The following ASTN1 variants were observed in gnomAD, a reference collection of about 807,000 sequenced individuals.
The protein encoded by ASTN1 is astrotactin 1.
ASTN1 carries 41 observed loss-of-function variants against 140.7 expected under a neutral mutation model. The ratio of observed to expected loss-of-function variants is 0.29; its 90% confidence interval spans 0.23 to 0.38. The LOEUF is 0.38. Ranked by LOEUF, ASTN1 falls within the 10% of genes least tolerant of loss-of-function variation. The pLI is 1.00. For missense variants in ASTN1, 1,479 were observed against 1,678.8 expected (o/e 0.88, Z 2.08); for synonymous variants, 640 against 652.2 (o/e 0.98, Z 0.29).
chr1:177,104,662 T>C lies in ASTN1; in HGVS notation c.284-43397A>G, dbSNP rs986261880. Among the ~76,000 whole-genome samples, 7 of 152,238 alleles carry C rather than the reference T, an allele frequency of 4.6e-5. No individual in the cohort carries two copies. In the South Asian group the frequency reaches 1.4e-3, roughly 32 times the overall value. On this transcript the variant is annotated intron_variant, in intron 1 of 22. Coordinates refer to ENST00000361833, the MANE Select transcript of ASTN1 (RefSeq NM_004319.3). ...CCTGCTCAAAGACTGCCACAGATGC[T>C]TAGACCCAAGCTTTTCCTTCCCAGC...
intron 1 of ASTN1, among the ~76,000 whole-genome samples, chr1:177,130,344 C>T (rs934522538): frequency 2.6e-5 from 4 of 152,048 alleles, no homozygotes; most frequent in African/African-American, 7.2e-5. Context: ...TGTACCCTCC[C>T]GCCGCAGACC....
At chr1:176,857,731 G>T (rs1667855581), downstream of ASTN1, 5 of 427,352 alleles carry the variant, frequency 1.2e-5, no homozygotes, top group Admixed American at 4.3e-5. Flanking sequence ...ACAGTGGAAG[G>T]TTGGAAAATG....
chr1:176,946,226 C>T lies in ASTN1; in HGVS notation c.2055-106G>A. The T allele has an allele frequency of 7.3e-6, 8 of 1,091,872 alleles. 1 individual carries two copies. The South Asian group carries it at 1.8e-4, about 25-fold the overall frequency. The allele number at this position is 1,091,872 out of a possible 1,614,324, so 67.6% of individuals were successfully genotyped here. On this transcript the variant is annotated intron_variant, in intron 12 of 22. Transcript: ENST00000361833. ...AAATGCCTTTGACAGCATGTTGGAT[C>T]ACCAAAGATTAGATTTCCAAGTTAT...
rs902838844 is a variant in ASTN1 at position 176,863,873 on chromosome 1, C to T, written c.*411G>A. The T allele has an allele frequency of 4.0e-6, 4 of 1,004,648 alleles. No individual in the cohort carries two copies. The highest frequency in any genetic ancestry group is 3.5e-5 in the African/African-American group (2 of 57,606). The allele number at this position is 1,004,648 out of a possible 1,614,324, so 62.2% of individuals were successfully genotyped here. Reference sequence around the variant, plus strand: ...TGCGGCAGGCCTAACAACTTTCTGGCCTCACCTCTGCTCCCAGTTGCAATG... The same window carrying T: ...TGCGGCAGGCCTAACAACTTTCTGGTCTCACCTCTGCTCCCAGTTGCAATG... On this transcript the variant is annotated 3_prime_UTR_variant, in exon 23 of 23. Coordinates refer to ENST00000361833, the MANE Select transcript of ASTN1 (RefSeq NM_004319.3).
At chr1:176,938,347 C>T (rs1383447283) in intron 14 of ASTN1, among the ~76,000 whole-genome samples, 1 of 152,162 alleles carries the variant, frequency 6.6e-6, no homozygotes, top group Non-Finnish European at 1.5e-5. Context: ...AGCTCAACAG[C>T]TTTGCTTTTA....
At chr1:176,879,503 TATA>T (rs1254192759) in intron 20 of ASTN1, among the ~76,000 whole-genome samples, 1 of 152,190 alleles carries the variant, frequency 6.6e-6, no homozygotes, top group Non-Finnish European at 1.5e-5. Context: ...GTCCTTGGAC[TATA>T]ATGAGAAACA....
chr1:176,858,534 C>T (rs559693231), downstream of ASTN1, among the ~76,000 whole-genome samples: 2 of 152,238 alleles, frequency 1.3e-5, no homozygotes, highest in East Asian at 3.9e-4. Context: ...ACAAAAAGAA[C>T]CATTAAAGCA....
In ASTN1 at chr1:177,030,875, G is replaced by A. The variant is rs1228668341; in HGVS notation, c.943C>T (p.His315Tyr). 1.9e-6 allele frequency: 3 copies of A among 1,614,172 alleles called. No individual in the cohort carries two copies. In the Admixed American group the frequency reaches 5.0e-5, roughly 27 times the overall value. The stretch of plus-strand genomic sequence containing the variant: ...TGAGAGAGAAGGGTGGCTTGCTGGT[G>A]GTTGGAGTCCACAGGGCTAGTGGCT... Reference protein sequence around the residue: ...IIATSPVDSNHQQATLLSHTS... With the variant: ...IIATSPVDSNYQQATLLSHTS... The change falls in exon 4 of 23, where the codon CAC becomes TAC. Residue 315 changes from histidine (H) to tyrosine (Y), a missense_variant. His to Tyr is a moderately conservative substitution (Grantham distance 83). Transcript: ENST00000361833.
chr1:177,148,417 CAA>C (rs779226602), intron 1 of ASTN1, among the ~76,000 whole-genome samples: 19 of 91,340 alleles, frequency 2.1e-4, no homozygotes, highest in Admixed American at 3.5e-4. Flanking sequence ...GACTCCGTCT[CAA>C]AAAAAAAAAA....
chr1:176,951,627 C>G (rs1672194966), intron 11 of ASTN1, among the ~76,000 whole-genome samples: 1 of 152,124 alleles, frequency 6.6e-6, no homozygotes, highest in Non-Finnish European at 1.5e-5. Flanking sequence ...TGATTTTTGA[C>G]AAAGACTTTG....
intron 8 of ASTN1, among the ~76,000 whole-genome samples, chr1:176,991,987 C>T (rs1674198673): frequency 6.6e-6 from 1 of 152,132 alleles, no homozygotes; most frequent in Admixed American, 6.6e-5. Flanking sequence ...ATAGTTATGT[C>T]TGAACAATGT....
intron 1 of ASTN1, among the ~76,000 whole-genome samples, chr1:177,127,138 T>C (rs1334905610): frequency 1.3e-5 from 2 of 151,082 alleles, no homozygotes; most frequent in Non-Finnish European, 2.9e-5. Context: ...AATGAAGTTT[T>C]ATTTTTTTTT....
At chr1:177,096,760 G>T (rs756886018) in intron 1 of ASTN1, among the ~76,000 whole-genome samples, 2 of 152,084 alleles carry the variant, frequency 1.3e-5, no homozygotes, top group Non-Finnish European at 2.9e-5. Context: ...TACCATCATG[G>T]TGAGGCCTCC....
At chr1:177,076,702 A>C (rs886283784) in intron 1 of ASTN1, among the ~76,000 whole-genome samples, 2 of 151,872 alleles carry the variant, frequency 1.3e-5, no homozygotes, top group African/African-American at 4.8e-5. Flanking sequence ...TTGTATTTTT[A>C]GTAGAGACGA....
At chr1:177,075,527 T>G (rs1238394305) in intron 1 of ASTN1, among the ~76,000 whole-genome samples, 1 of 152,114 alleles carries the variant, frequency 6.6e-6, no homozygotes, top group Non-Finnish European at 1.5e-5. Flanking sequence ...TCTTTGGTTT[T>G]TTATAACAAG....
In ASTN1 at chr1:177,119,847, T is replaced by C. The variant is rs1458108290; in HGVS notation, c.283+44547A>G. 2.0e-5 allele frequency among the ~76,000 whole-genome samples: 3 copies of C among 152,158 alleles called. No homozygotes were observed. In the East Asian group the frequency reaches 5.8e-4, roughly 29 times the overall value. On this transcript the variant is annotated intron_variant, in intron 1 of 22. Transcript: ENST00000361833. ...CACAGAACTGCCCCAAGGATGTCCC[T>C]TAACATCCCCCTCTTCCAGATGGCT... is the stretch of plus-strand genomic sequence containing the variant.
intron 16 of ASTN1, among the ~76,000 whole-genome samples, chr1:176,913,089 C>T (rs1670322120): frequency 6.6e-6 from 1 of 152,120 alleles, no homozygotes; most frequent in Admixed American, 6.6e-5. Flanking sequence ...CAAAGTTGCC[C>T]ATTTCTCTCT....
At chr1:176,961,131 G>A (rs952066377) in intron 9 of ASTN1, among the ~76,000 whole-genome samples, 2 of 152,100 alleles carry the variant, frequency 1.3e-5, no homozygotes, top group African/African-American at 2.4e-5. Context: ...GATAAATAAC[G>A]ATATTTCATT....
intron 1 of ASTN1, among the ~76,000 whole-genome samples, chr1:177,161,586 G>T (rs1647373959): frequency 6.6e-6 from 1 of 152,216 alleles, no homozygotes; most frequent in Non-Finnish European, 1.5e-5. Context: ...GTAGCTACAT[G>T]TGCAAAGTCT....
Sources: allele counts gnomAD v4.1 joint callset (sites outside exome capture counted in the v4.1 genomes callset), GRCh38; gene constraint gnomAD v4.1.1; transcripts MANE v1.5; gene names NCBI Gene and HGNC (gene_info 2026-07-23, HGNC 2026-07-21).